Variants in ZNF329 observed in about 807,000 individuals in gnomAD.
ZNF329 encodes zinc finger protein 329.
A neutral mutation model predicts 26.6 loss-of-function variants in ZNF329; 15 were observed. The observed-to-expected ratio is 0.56, with a 90% confidence interval of 0.38 to 0.87. ZNF329 has a LOEUF of 0.87. Ranked by LOEUF, ZNF329 falls within the 40% of genes least tolerant of loss-of-function variation. The pLI, the probability that ZNF329 is intolerant of heterozygous loss-of-function variation, is 0.00. For missense variants in ZNF329, 651 were observed against 651.9 expected, an observed-to-expected ratio of 1.00 and a Z score of 0.02; for synonymous variants, 239 against 233.5, an observed-to-expected ratio of 1.02 and a Z score of -0.21.
At chr19:58,141,563 G>C (rs2075189368) in intron 3 of ZNF329, among the ~76,000 whole-genome samples, 3 of 152,082 alleles carry the variant, frequency 2.0e-5, no homozygotes, top group Admixed American at 2.0e-4. Flanking sequence ...CCAAAGTGCT[G>C]CGATTACAGG....
chr19:58,150,703 C>T (rs998666320), intron 1 of ZNF329, 49 bp downstream of exon 1: 3 of 152,756 alleles, frequency 2.0e-5, no homozygotes, highest in African/African-American at 7.2e-5. Flanking sequence ...AGACTTCCCT[C>T]CGCAGGAAAC....
chr19:58,133,946 T>C (rs751204595), intron 3 of ZNF329, among the ~76,000 whole-genome samples: 6 of 152,090 alleles, frequency 3.9e-5, no homozygotes, highest in Non-Finnish European at 5.9e-5. Context: ...TAGACAACAG[T>C]GGCCAATGAG....
Position 58,146,698 on chromosome 19 carries a change from G to A in ZNF329, c.-207-3500C>T, listed in dbSNP as rs908696183. ...GCCGAGTGCCTGCAATTGCAGGCAC[G>A]CGCCGCCACGCCTGACTGGTTTTCG... On this transcript the variant is annotated intron_variant, in intron 1 of 3. Coordinates refer to ENST00000598312, the MANE Select transcript of ZNF329 (RefSeq NM_024620.4). Among the ~76,000 whole-genome samples the A allele has an allele frequency of 9.2e-5, 14 of 151,780 alleles. 1 individual carries two copies. The highest frequency in any genetic ancestry group is 3.4e-4 in the African/African-American group (14 of 41,396).
intron 3 of ZNF329, among the ~76,000 whole-genome samples, chr19:58,130,535 G>A (rs1168494175): frequency 2.6e-5 from 4 of 151,974 alleles, no homozygotes; most frequent in East Asian, 1.9e-4. Context: ...TTAGCCAGGC[G>A]TGGTGGCGGG....
rs1381766156 is a variant in ZNF329, at chr19:58,128,550, G to A, written c.954C>T (p.Asn318=). The change falls in exon 4 of 4, where the codon AAC becomes AAT. Residue 318 remains asparagine (N), a synonymous_variant. Coordinates refer to ENST00000598312, the MANE Select transcript of ZNF329 (RefSeq NM_024620.4). ...TGTCAGTGAAGGGTTTCCCACATTC[G>A]TTACATCTATATGGTTTTTCCCCTG... ...THTGEKPYRC[N]ECGKPFTDIS... 6.8e-6 allele frequency: 11 copies of A among 1,613,990 alleles called. No homozygotes were observed. The highest frequency in any genetic ancestry group is 1.1e-5 in the South Asian group (1 of 91,070).
At chr19:58,140,132 A>G (rs2075152305) in intron 3 of ZNF329, among the ~76,000 whole-genome samples, 1 of 152,130 alleles carries the variant, frequency 6.6e-6, no homozygotes, top group South Asian at 2.1e-4. Flanking sequence ...TGGGTCATGG[A>G]GGTGGAACCC....
rs150360035 is a variant in ZNF329 at position 58,129,420 on chromosome 19, A to G, written c.84T>C (p.Val28=). Residue 28 remains valine, a synonymous_variant, in exon 4 of 4, where the codon GTT becomes GTC. Transcript: ENST00000598312. ...DVEVERFTRE[V]PCLSSLGDGW... Reference sequence around the variant, plus strand: ...CATCACCTAAACTGGACAAGCAGGGAACTTCCCTTGTGAATCTTTCCACTT... The same window carrying G: ...CATCACCTAAACTGGACAAGCAGGGGACTTCCCTTGTGAATCTTTCCACTT... 1.9e-5 allele frequency: 31 copies of G among 1,614,066 alleles called. No individual in the cohort carries two copies. In the African/African-American group the frequency reaches 3.2e-4, roughly 17 times the overall value.
At chr19:58,147,478 C>G (rs1036317964) in intron 1 of ZNF329, among the ~76,000 whole-genome samples, 2 of 146,194 alleles carry the variant, frequency 1.4e-5, no homozygotes, top group African/African-American at 2.6e-5. Context: ...GGCGCCTCTG[C>G]CCAGCCGCCC....
intron 1 of ZNF329, among the ~76,000 whole-genome samples, chr19:58,144,376 CTATCTA>C (rs1253045543): frequency 4.9e-5 from 4 of 82,314 alleles, no homozygotes; most frequent in East Asian, 2.8e-4. Context: ...ATCTATCTAT[CTATCTA>C]TATATATATA....
chr19:58,128,947 A>C lies in ZNF329; in HGVS notation c.557T>G (p.Leu186Arg), dbSNP rs765602454. 6.2e-7 allele frequency: 1 copy of C among 1,613,886 alleles called. No individual in the cohort carries two copies. Among genetic ancestry groups the C allele is most frequent in the Admixed American group, 1.7e-5 (1 of 59,936 alleles). ...EGKNFENIFT[L>R]SSSLNENQRN... ...CTGGTTTTCATTAAGCGATGAGCTC[A>C]GAGTAAAGATGTTCTCAAAATTCTT... The change falls in exon 4 of 4, where the codon CTG (leucine) becomes CGG (arginine). Residue 186 changes from leucine to arginine, a missense_variant. Physicochemically the swap from Leu to Arg is moderately radical, Grantham distance 102. Coordinates refer to ENST00000598312, the MANE Select transcript of ZNF329 (RefSeq NM_024620.4).
At chr19:58,139,713 T>A (rs2075144232) in intron 3 of ZNF329, among the ~76,000 whole-genome samples, 1 of 152,150 alleles carries the variant, frequency 6.6e-6, no homozygotes, top group Admixed American at 6.5e-5. Context: ...ATTCACCCCA[T>A]AGGAGTTCTG....
chr19:58,129,518 A>G lies in ZNF329; in HGVS notation c.-8-7T>C. 1 of 1,564,660 alleles carries G rather than the reference A, an allele frequency of 6.4e-7. No individual in the cohort carries two copies. Among genetic ancestry groups the G allele is most frequent in the Non-Finnish European group, 8.6e-7 (1 of 1,157,324 alleles). On this transcript the variant is annotated splice_region_variant and splice_polypyrimidine_tract_variant and intron_variant, in intron 3 of 3. Transcript: ENST00000598312. ...TTCAATCTCATATCCCAAACTGCAAAAAGAAGAAAAATGCAGACTTAGGTA... is the reference window on the plus strand; with the variant it reads ...TTCAATCTCATATCCCAAACTGCAAGAAGAAGAAAAATGCAGACTTAGGTA...
upstream of ZNF329, chr19:58,154,927 A>G (rs2075518144): frequency 6.6e-6 from 1 of 152,288 alleles, no homozygotes; most frequent in Admixed American, 6.5e-5. Flanking sequence ...TAGCCCGTGC[A>G]CCCACGGCGG....
chr19:58,131,643 CAG>C (rs2074946634), intron 3 of ZNF329, among the ~76,000 whole-genome samples: 1 of 152,048 alleles, frequency 6.6e-6, no homozygotes, highest in African/African-American at 2.4e-5. Flanking sequence ...CCAAGAACTA[CAG>C]AGGATTCTTA....
At chr19:58,141,303 CT>C (rs951643572) in intron 3 of ZNF329, among the ~76,000 whole-genome samples, 51 of 146,710 alleles carry the variant, frequency 3.5e-4, no homozygotes, top group East Asian at 1.0e-3. Context: ...GCTTAACACT[CT>C]TTTTTTTTTT....
At chr19:58,138,823 C>T (rs2075125354) in intron 3 of ZNF329, among the ~76,000 whole-genome samples, 2 of 151,892 alleles carry the variant, frequency 1.3e-5, no homozygotes. Flanking sequence ...ACGGCCAAAC[C>T]CCATCTCCAG....
chr19:58,146,423 G>A (rs190827802), intron 1 of ZNF329, among the ~76,000 whole-genome samples: 36 of 152,092 alleles, frequency 2.4e-4, no homozygotes, highest in Admixed American at 1.2e-3. Flanking sequence ...GCAGTGAGCC[G>A]AGATCGCTCC....
Position 58,129,169 on chromosome 19 carries a change from T to C in ZNF329, c.335A>G (p.Lys112Arg). 1 of 1,614,156 alleles carries C rather than the reference T, an allele frequency of 6.2e-7. No individual in the cohort carries two copies. The highest frequency in any genetic ancestry group is 1.1e-5 in the South Asian group (1 of 91,078). ...ACCAGTTCTCTTATCTGCATAACTT[T>C]TAGGATAGCTGGGTAAGGCGGGGTC... ...DCDPALPSYP[K>R]SYADKRTGDS... Residue 112 changes from lysine to arginine, a missense_variant, in exon 4 of 4, where the codon AAA (lysine) becomes AGA (arginine). Coordinates refer to ENST00000598312, the MANE Select transcript of ZNF329 (RefSeq NM_024620.4).
chr19:58,143,582 G>C (rs1003936410), intron 1 of ZNF329, among the ~76,000 whole-genome samples: 3 of 152,156 alleles, frequency 2.0e-5, no homozygotes, highest in Admixed American at 2.0e-4. Flanking sequence ...GAAGGTACAG[G>C]AAGGACAGAG....
Sources: allele counts gnomAD v4.1 joint callset (sites outside exome capture counted in the v4.1 genomes callset), GRCh38; gene constraint gnomAD v4.1.1; transcripts MANE v1.5; gene names NCBI Gene and HGNC (gene_info 2026-07-23, HGNC 2026-07-21).